FNBP4: variants seen among roughly 807,000 people sequenced by gnomAD.
FNBP4 encodes the protein formin-binding protein 4.
In FNBP4, 34 loss-of-function variants were observed where a neutral mutation model predicts 119.3. The ratio of observed to expected loss-of-function variants is 0.28; its 90% CI spans 0.22 to 0.38. The LOEUF is 0.38. FNBP4 is among the 10% of genes least tolerant of loss of function. The probability of loss-of-function intolerance (pLI) is 1.00; values close to 1 mark genes in which losing one functional copy is unlikely to be tolerated. For missense variants in FNBP4, 1,112 were observed against 1,228.9 expected (o/e 0.90, Z 1.42); for synonymous variants, 462 against 430.6 (o/e 1.07, Z -0.90).
chr11:47,717,975 G>T (rs1030368531), intron 16 of FNBP4, among the ~76,000 whole-genome samples: 6 of 151,010 alleles, frequency 4.0e-5, no homozygotes, highest in African/African-American at 1.5e-4. Context: ...GGCTGGTCTC[G>T]AACTCCCAAC....
intron 2 of FNBP4, among the ~76,000 whole-genome samples, chr11:47,755,374 G>A (rs1311898719): frequency 2.0e-5 from 3 of 151,722 alleles, no homozygotes; most frequent in South Asian, 2.1e-4. Context: ...GCTTGAACTC[G>A]GGAGGCGGAG....
intron 2 of FNBP4, among the ~76,000 whole-genome samples, chr11:47,762,924 AAAAG>A (rs1227218823): frequency 7.3e-6 from 1 of 137,416 alleles, no homozygotes; most frequent in African/African-American, 2.9e-5. Context: ...AAAAAAAAAA[AAAAG>A]AGTCTCTCTG....
intron 3 of FNBP4, among the ~76,000 whole-genome samples, chr11:47,753,861 T>C (rs893913540): frequency 6.6e-6 from 1 of 152,078 alleles, no homozygotes; most frequent in Non-Finnish European, 1.5e-5. Context: ...ATCTTCCAAT[T>C]ATACAAGCTC....
At chr11:47,757,931 T>A (rs1174163833) in intron 2 of FNBP4, among the ~76,000 whole-genome samples, 1 of 152,238 alleles carries the variant, frequency 6.6e-6, no homozygotes. Context: ...TGCCTCAGCA[T>A]CCTGAGTGGA....
intron 2 of FNBP4, among the ~76,000 whole-genome samples, chr11:47,763,143 A>G (rs958740095): frequency 2.0e-5 from 3 of 152,090 alleles, no homozygotes; most frequent in Non-Finnish European, 4.4e-5. Context: ...AGTTGTAAGA[A>G]CAAGTCCTTG....
Position 47,765,378 on chromosome 11 carries a change from A to G in FNBP4, c.221-16T>C, listed in dbSNP as rs1002509085. ...TCCTGTTCATCTGGATTAAAAAAAA[A>G]GAAAAGAAAAGAAAAGAAAAGAAAA... On this transcript the variant is annotated splice_polypyrimidine_tract_variant and intron_variant, in intron 1 of 16. Coordinates refer to ENST00000263773, the MANE Select transcript of FNBP4 (RefSeq NM_015308.5). 6 of 994,720 alleles carry G rather than the reference A, an allele frequency of 6.0e-6. No homozygotes were observed. Among genetic ancestry groups the G allele is most frequent in the Non-Finnish European group, 8.9e-6 (6 of 677,144 alleles). The allele number at this position is 994,720 out of a possible 1,614,324, so 61.6% of individuals were successfully genotyped here.
intron 10 of FNBP4, 25 bp downstream of exon 10, chr11:47,734,000 C>A (rs1232167547): frequency 4.3e-4 from 381 of 891,680 alleles, no homozygotes; most frequent in African/African-American, 1.5e-3. Context: ...CTGTTTATGC[C>A]AAAAAAAAAA....
At chr11:47,737,825 C>T (rs1229406173) in intron 8 of FNBP4, among the ~76,000 whole-genome samples, 1 of 151,890 alleles carries the variant, frequency 6.6e-6, no homozygotes, top group Non-Finnish European at 1.5e-5. Flanking sequence ...TAGCTCATTG[C>T]AACCTTTACC....
intron 2 of FNBP4, among the ~76,000 whole-genome samples, chr11:47,764,746 A>C (rs182917753): frequency 2.3e-3 from 351 of 152,354 alleles, no homozygotes; most frequent in Middle Eastern, 0.014. Context: ...CTCAGAGATA[A>C]AAGATCCATT....
intron 8 of FNBP4, among the ~76,000 whole-genome samples, chr11:47,737,527 C>T (rs1037482186): frequency 6.6e-6 from 1 of 151,908 alleles, no homozygotes; most frequent in African/African-American, 2.4e-5. Context: ...GCAGCCTCAA[C>T]CTCCTAGGCT....
chr11:47,723,345 T>TA, intron 14 of FNBP4, 29 bp from the exon 15 acceptor site: 1 of 1,562,038 alleles, frequency 6.4e-7, no homozygotes. Context: ...AATGATACTA[T>TA]AAAAAGGACA....
At chr11:47,766,298 G>A (rs932276681) in intron 1 of FNBP4, among the ~76,000 whole-genome samples, 1 of 152,102 alleles carries the variant, frequency 6.6e-6, no homozygotes, top group African/African-American at 2.4e-5. Flanking sequence ...CTGGGCGACA[G>A]ATTGAGACAT....
At chr11:47,753,141 C>CA in intron 3 of FNBP4, 39 bp from the exon 4 acceptor site, 1 of 1,514,486 alleles carries the variant, frequency 6.6e-7, no homozygotes, top group Non-Finnish European at 8.9e-7. Flanking sequence ...GTAATTATAT[C>CA]AAAAACAAGA....
intron 4 of FNBP4, among the ~76,000 whole-genome samples, chr11:47,752,531 G>A (rs370124874): frequency 6.6e-6 from 1 of 152,082 alleles, no homozygotes; most frequent in African/African-American, 2.4e-5. Flanking sequence ...AATGCCAGCC[G>A]GGAGCGATGG....
At chr11:47,742,963 GTTTT>G (rs556842277) in intron 8 of FNBP4, among the ~76,000 whole-genome samples, 2 of 147,712 alleles carry the variant, frequency 1.4e-5, no homozygotes, top group Middle Eastern at 3.5e-3. Context: ...CTGTATTGTT[GTTTT>G]TTTTTTGTTT....
Position 47,744,157 on chromosome 11 carries a change from A to T in FNBP4, c.1252T>A (p.Leu418Met), listed in dbSNP as rs752724144. 6.2e-7 allele frequency: 1 copy of T among 1,613,744 alleles called. No homozygotes were observed. Among genetic ancestry groups the T allele is most frequent in the African/African-American group, 1.3e-5 (1 of 74,884 alleles). Residue 418 changes from leucine (L) to methionine (M), a missense_variant, in exon 8 of 17, where the codon TTG becomes ATG. Transcript: ENST00000263773. ...CCATCTCCTTCCTCCAAGGCTCGCA[A>T]CTCTGCCTACAAAGAACATGACAAT... ...ELVLERKKAE[L>M]RALEEGDGSV...
At chr11:47,753,280 G>A (rs983260018) in intron 3 of FNBP4, among the ~76,000 whole-genome samples, 178 bp from the exon 4 acceptor site, 2 of 152,120 alleles carry the variant, frequency 1.3e-5, no homozygotes, top group Admixed American at 1.3e-4. Flanking sequence ...TTCGAGACCA[G>A]GCTGGCCAAC....
chr11:47,727,251 CTT>C (rs56258205), intron 12 of FNBP4, among the ~76,000 whole-genome samples: 11 of 137,896 alleles, frequency 8.0e-5, no homozygotes, highest in Admixed American at 2.3e-4. Flanking sequence ...TACTTTTCTT[CTT>C]TTTTTTTTTT....
In FNBP4 at chr11:47,746,111, T is replaced by C; in HGVS notation, c.1190A>G (p.Glu397Gly). The C allele has an allele frequency of 6.2e-7, 1 of 1,611,916 alleles. No individual in the cohort carries two copies. The highest frequency in any genetic ancestry group is 8.5e-7 in the Non-Finnish European group (1 of 1,179,556). ...LCSVVQSGESEEEEEQDTLEL... is the reference protein window; with the variant it reads ...LCSVVQSGESGEEEEQDTLEL... ...AAGGGTATCTTGTTCCTCTTCCTCCTCACTTTCTCCAGATTGGACAACACT... is the reference window on the plus strand; with the variant it reads ...AAGGGTATCTTGTTCCTCTTCCTCCCCACTTTCTCCAGATTGGACAACACT... Residue 397 changes from glutamate (E) to glycine (G), a missense_variant, in exon 7 of 17, where the codon GAG becomes GGG. By Grantham distance (98) the Glu-to-Gly change is moderately conservative. Transcript: ENST00000263773.
Sources: gnomAD v4.1 joint callset for allele counts (sites outside exome capture counted in the v4.1 genomes callset) on GRCh38, gnomAD v4.1.1 for gene constraint, MANE v1.5 for transcripts, NCBI Gene and HGNC (gene_info 2026-07-23, HGNC 2026-07-21) for gene names.